The following TET2 variants were observed in gnomAD, a reference collection of about 807,000 sequenced individuals.
TET2 encodes tet methylcytosine dioxygenase 2, also known as methylcytosine dioxygenase TET2.
TET2 carries 299 observed loss-of-function variants against 142.9 expected under a neutral mutation model. The observed-to-expected ratio is 2.09, with a 90% CI of 1.90 to 2.30. TET2 has a LOEUF of 2.30. Among genes scored for constraint, TET2 ranks in the 30% most tolerant of loss-of-function variants. The probability of loss-of-function intolerance (pLI) is 0.00; values close to 1 mark genes in which losing one functional copy is unlikely to be tolerated. For synonymous variants in TET2, 819 were observed against 849.0 expected, an observed-to-expected ratio of 0.96 and a Z score of 0.61; for missense variants, 2,418 against 2,378.0, an observed-to-expected ratio of 1.02 and a Z score of -0.35.
chr4:105,267,349 A>C (rs917422701), intron 8 of TET2, among the ~76,000 whole-genome samples: 1 of 152,058 alleles, frequency 6.6e-6, no homozygotes, highest in Admixed American at 6.6e-5. Context: ...AAGACTTTTA[A>C]AAAAATGATA....
intron 1 of TET2, among the ~76,000 whole-genome samples, chr4:105,188,709 T>C (rs932615674): frequency 6.6e-6 from 1 of 152,164 alleles, no homozygotes; most frequent in Non-Finnish European, 1.5e-5. Flanking sequence ...GCAATACAGA[T>C]GCACCTTAAA....
intron 7 of TET2, among the ~76,000 whole-genome samples, chr4:105,260,156 T>G (rs1382802403): frequency 6.6e-6 from 1 of 151,988 alleles, no homozygotes; most frequent in Non-Finnish European, 1.5e-5. Flanking sequence ...TAATTTAAAG[T>G]CACTGTAATG....
intron 2 of TET2, among the ~76,000 whole-genome samples, chr4:105,196,100 T>C (rs1281748388): frequency 6.6e-6 from 1 of 151,998 alleles, no homozygotes; most frequent in Non-Finnish European, 1.5e-5. Flanking sequence ...TCCATTCTTT[T>C]CATTCTTCAG....
At chr4:105,203,536 T>C (rs544782909) in intron 2 of TET2, among the ~76,000 whole-genome samples, 2 of 151,468 alleles carry the variant, frequency 1.3e-5, no homozygotes, top group South Asian at 2.1e-4. Context: ...TGGCTTTGTA[T>C]ACAATACATT....
At chr4:105,233,865 C>T (rs943968316) in intron 2 of TET2, 32 bp from the exon 3 acceptor site, 91 of 1,143,222 alleles carry the variant, frequency 8.0e-5, no homozygotes, top group Non-Finnish European at 1.1e-4. Flanking sequence ...TAGAAATAAA[C>T]ACATTTTAAT....
intron 1 of TET2, among the ~76,000 whole-genome samples, chr4:105,148,041 C>A (rs1723120467): frequency 6.6e-6 from 1 of 151,762 alleles, no homozygotes; most frequent in Admixed American, 6.6e-5. Context: ...ACTCTTTCTT[C>A]TCTCTCTCTC....
intron 1 of TET2, among the ~76,000 whole-genome samples, chr4:105,159,077 C>T (rs1013758542): frequency 2.0e-5 from 3 of 151,930 alleles, no homozygotes; most frequent in African/African-American, 7.3e-5. Context: ...TGTCTGTGGG[C>T]GGAGGAATCA....
chr4:105,236,255 A>G lies in TET2; in HGVS notation c.2313A>G (p.Arg771=), dbSNP rs767344054. The change falls in exon 3 of 11, where the codon AGA becomes AGG. Residue 771 remains arginine, a synonymous_variant. Transcript: ENST00000380013. ...CCCAAAGCAACAATGATCAGCAAAGAGAAGGATCATTCTTTGGCCAGACTA... is the reference window on the plus strand; with the variant it reads ...CCCAAAGCAACAATGATCAGCAAAGGGAAGGATCATTCTTTGGCCAGACTA... The part of the protein sequence containing the change: ...PHPQSNNDQQ[R]EGSFFGQTKV... 6 of 1,614,124 alleles carry G rather than the reference A, an allele frequency of 3.7e-6. No individual in the cohort carries two copies. The South Asian group carries it at 6.6e-5, about 18-fold the overall frequency.
At chr4:105,222,494 T>C (rs559772859) in intron 2 of TET2, among the ~76,000 whole-genome samples, 1 of 152,368 alleles carries the variant, frequency 6.6e-6, no homozygotes, top group Admixed American at 6.5e-5. Context: ...CATGTGTCTT[T>C]TGGCTGCATA....
At chr4:105,184,185 T>C (rs1725289324) in intron 1 of TET2, among the ~76,000 whole-genome samples, 1 of 152,172 alleles carries the variant, frequency 6.6e-6, no homozygotes. Flanking sequence ...CTGAAATGTT[T>C]TCCATCTTGG....
chr4:105,235,190 T>C lies in TET2; in HGVS notation c.1248T>C (p.Pro416=), dbSNP rs2110225949. The C allele has an allele frequency of 6.2e-7, 1 of 1,614,096 alleles. No homozygotes were observed. The highest frequency in any genetic ancestry group is 8.5e-7 in the Non-Finnish European group (1 of 1,180,004). Residue 416 remains proline (P), a synonymous_variant, in exon 3 of 11, where the codon CCT becomes CCC. Transcript: ENST00000380013. ...CCCCTCCTCCTCTTCCACAGGTTCC[T>C]CAGCTTCCTTCAGAAGGAAAAAGCA... ...LSPPPPLPQV[P]QLPSEGKSTL...
At position 105,216,413 on chromosome 4, in the gene TET2, G is replaced by A. The variant is rs79892279; in HGVS notation, c.-46-17484G>A. 3.3e-3 allele frequency among the ~76,000 whole-genome samples: 498 copies of A among 151,780 alleles called. 3 individuals are homozygous for A. Among genetic ancestry groups the A allele is most frequent in the African/African-American group, 0.012 (484 of 41,476 alleles). On this transcript the variant is annotated intron_variant, in intron 2 of 10. Coordinates refer to ENST00000380013, the MANE Select transcript of TET2 (RefSeq NM_001127208.3). Reference sequence around the variant, plus strand: ...ATCTGAAATGCTCTTTTTCTTCATCGTAATTCAGTGCTTGTCTTAACTGGT... The same window carrying A: ...ATCTGAAATGCTCTTTTTCTTCATCATAATTCAGTGCTTGTCTTAACTGGT...
chr4:105,193,359 A>G (rs1043610482), intron 2 of TET2, among the ~76,000 whole-genome samples: 1 of 152,124 alleles, frequency 6.6e-6, no homozygotes, highest in African/African-American at 2.4e-5. Flanking sequence ...TAGAGAGAAG[A>G]TGGGAAAGCA....
At chr4:105,222,285 G>A (rs187366807) in intron 2 of TET2, among the ~76,000 whole-genome samples, 3,082 of 152,182 alleles carry the variant, frequency 0.02, 101 homozygotes, top group African/African-American at 0.069. Context: ...CTGAGGAATC[G>A]CCACACTGAC....
intron 7 of TET2, 116 bp downstream of exon 7, chr4:105,259,885 A>C (rs1307475095): frequency 2.0e-6 from 2 of 999,608 alleles, no homozygotes; most frequent in African/African-American, 3.3e-5. Flanking sequence ...AGTTTTTCCC[A>C]AACTGTAGAT....
intron 3 of TET2, chr4:105,239,075 T>G (rs887186425): frequency 1.2e-5 from 1 of 81,196 alleles, no homozygotes; most frequent in Non-Finnish European, 2.5e-5. Context: ...TTGTTTTTTG[T>G]TTTTTTTTTT....
rs770335785 is a variant in TET2 at position 105,243,741 on chromosome 4, G to C, written c.3766G>C (p.Gly1256Arg). The C allele has an allele frequency of 1.2e-5, 19 of 1,551,128 alleles. No individual in the cohort carries two copies. The highest frequency in any genetic ancestry group is 2.0e-5 in the Admixed American group (1 of 50,938). ...SELTETLRKY[G>R]TLTNRRCALN... ...GCTTACCGAGACGCTGAGGAAATAC[G>C]GCACGCTCACCAATCGCCGGTGTGC... Residue 1256 changes from glycine (G) to arginine (R), a missense_variant, in exon 6 of 11, where the codon GGC becomes CGC. Coordinates refer to ENST00000380013, the MANE Select transcript of TET2 (RefSeq NM_001127208.3).
intron 8 of TET2, among the ~76,000 whole-genome samples, chr4:105,266,524 T>G (rs2110295669): frequency 6.6e-6 from 1 of 152,246 alleles, no homozygotes; most frequent in East Asian, 1.9e-4. Flanking sequence ...TTCATTAAAA[T>G]GGCTATCATA....
At chr4:105,229,977 CT>C (rs1728412598) in intron 2 of TET2, among the ~76,000 whole-genome samples, 1 of 151,804 alleles carries the variant, frequency 6.6e-6, no homozygotes, top group Non-Finnish European at 1.5e-5. Context: ...TGTTTCTAAC[CT>C]TTTATTACTG....
Sources: allele counts gnomAD v4.1 joint callset (sites outside exome capture counted in the v4.1 genomes callset), GRCh38; gene constraint gnomAD v4.1.1; transcripts MANE v1.5; gene names NCBI Gene and HGNC (gene_info 2026-07-23, HGNC 2026-07-21).